VIPAS39: variants seen among roughly 807,000 people sequenced by gnomAD.
VIPAS39 encodes the protein VPS33B interacting protein, apical-basolateral polarity regulator, spe-39 homolog, also known as spermatogenesis-defective protein 39 homolog.
VIPAS39 carries 63 observed loss-of-function variants against 84.7 expected under a neutral mutation model. That is an observed-to-expected ratio of 0.74 (90% CI 0.61 to 0.92). The LOEUF is 0.92. VIPAS39 is among the 40% of genes least tolerant of loss of function. The probability of loss-of-function intolerance (pLI) is 0.00; values close to 1 mark genes in which losing one functional copy is unlikely to be tolerated. For missense variants in VIPAS39, 499 were observed against 604.5 expected (o/e 0.83, Z 1.83); for synonymous variants, 192 against 216.5 (o/e 0.89, Z 0.99).
At chr14:77,437,466 G>A (rs900523296) in intron 12 of VIPAS39, among the ~76,000 whole-genome samples, 3 of 151,904 alleles carry the variant, frequency 2.0e-5, no homozygotes, top group Non-Finnish European at 4.4e-5. Context: ...ATTACCTAAG[G>A]TCATAAAAAA....
Position 77,449,353 on chromosome 14 carries a change from C to T in VIPAS39, c.387G>A (p.Leu129=). 1 of 1,614,180 alleles carries T rather than the reference C, an allele frequency of 6.2e-7. No individual in the cohort carries two copies. Among genetic ancestry groups the T allele is most frequent in the Non-Finnish European group, 8.5e-7 (1 of 1,180,038 alleles). The change falls in exon 6 of 20, where the codon CTG becomes CTA. Residue 129 remains leucine, a synonymous_variant. Coordinates refer to ENST00000557658, the MANE Select transcript of VIPAS39 (RefSeq NM_001193315.2). The part of the protein sequence containing the change: ...PGSFQSLSDA[L]SDTPAKSYAP... ...CATAGCTTTTGGCAGGTGTGTCTGACAGAGCTGAAAAAGAATAAGCAGCTG... is the reference window on the plus strand; with the variant it reads ...CATAGCTTTTGGCAGGTGTGTCTGATAGAGCTGAAAAAGAATAAGCAGCTG...
chr14:77,433,683 A>G (rs572724471), intron 16 of VIPAS39, among the ~76,000 whole-genome samples, 159 bp downstream of exon 16: 263 of 152,346 alleles, frequency 1.7e-3, no homozygotes, highest in African/African-American at 6.0e-3. Flanking sequence ...TTTGATTATT[A>G]TATGAACTAT....
In VIPAS39 at chr14:77,451,197, G is replaced by C; in HGVS notation, c.333C>G (p.Ser111Arg). 6.2e-7 allele frequency: 1 copy of C among 1,614,214 alleles called. No individual in the cohort carries two copies. Among genetic ancestry groups the C allele is most frequent in the African/African-American group, 1.3e-5 (1 of 75,060 alleles). ...PKPTSTYSLS[S>R]FFRGRTRPGS... ...AGCATCTCTCTTTACCTCTAAAAAA[G>C]CTGCTCAGGGAGTAGGTAGAAGTAG... Residue 111 changes from serine to arginine, a missense_variant, in exon 4 of 20, where the codon AGC becomes AGG. Transcript: ENST00000557658.
intron 10 of VIPAS39, among the ~76,000 whole-genome samples, chr14:77,441,736 G>A (rs2078706507): frequency 6.6e-6 from 1 of 152,304 alleles, no homozygotes; most frequent in South Asian, 2.1e-4. Flanking sequence ...CCCCACCTCA[G>A]TCTTTTGGGG....
At position 77,429,571 on chromosome 14, in the gene VIPAS39, C is replaced by T. The variant is rs2078487309; in HGVS notation, c.1266+110G>A. On this transcript the variant is annotated intron_variant, in intron 17 of 19. Coordinates refer to ENST00000557658, the MANE Select transcript of VIPAS39 (RefSeq NM_001193315.2). ...GAGGCCTATTGCAGCCATTGTGCTG[C>T]CTTTAAGGGAAAACAAGAGCAGATC... 8.8e-6 allele frequency: 10 copies of T among 1,133,792 alleles called. No individual in the cohort carries two copies. In the South Asian group the frequency reaches 1.2e-4, roughly 14 times the overall value. 70.2% of individuals were successfully genotyped at this position (1,133,792 alleles called of 1,614,324 possible). A position where few individuals can be genotyped will look rare whatever the true frequency, so the allele number is the denominator to read the frequency against.
At chr14:77,454,276 G>A (rs756316088) in intron 1 of VIPAS39, among the ~76,000 whole-genome samples, 174 bp from the exon 2 acceptor site, 2 of 152,176 alleles carry the variant, frequency 1.3e-5, no homozygotes, top group African/African-American at 4.8e-5. Flanking sequence ...GTCTCCAACT[G>A]ATCAAATCAT....
At chr14:77,434,674 C>T (rs959993721) in intron 14 of VIPAS39, among the ~76,000 whole-genome samples, 1 of 151,450 alleles carries the variant, frequency 6.6e-6, no homozygotes, top group African/African-American at 2.4e-5. Context: ...AGGTGGATCA[C>T]GAGGTCAGGA....
At chr14:77,444,632 G>C (rs1459377959) in intron 7 of VIPAS39, among the ~76,000 whole-genome samples, 1 of 152,116 alleles carries the variant, frequency 6.6e-6, no homozygotes, top group Non-Finnish European at 1.5e-5. Context: ...GAGTGCAGTG[G>C]CTCAATCTCG....
chr14:77,441,383 T>C (rs1014571090), intron 10 of VIPAS39, among the ~76,000 whole-genome samples: 5 of 149,158 alleles, frequency 3.4e-5, no homozygotes, highest in Non-Finnish European at 6.0e-5. Context: ...TTTTTTTTTT[T>C]CCTAAGATTA....
intron 3 of VIPAS39, among the ~76,000 whole-genome samples, chr14:77,451,736 C>T (rs1160207742): frequency 6.6e-6 from 1 of 152,164 alleles, no homozygotes; most frequent in African/African-American, 2.4e-5. Flanking sequence ...CAGAGGCACA[C>T]ACCACCTGCC....
chr14:77,448,448 G>A, intron 7 of VIPAS39, 46 bp downstream of exon 7: 1 of 1,581,796 alleles, frequency 6.3e-7, no homozygotes, highest in Non-Finnish European at 8.7e-7. Flanking sequence ...GTGTGAACAA[G>A]CTGCCCAGCT....
At chr14:77,437,765 G>C (rs749049796) in intron 12 of VIPAS39, 43 bp downstream of exon 12, 1 of 1,586,140 alleles carries the variant, frequency 6.3e-7, no homozygotes, top group Non-Finnish European at 8.7e-7. Flanking sequence ...TTCCTTCTGG[G>C]TAAAGGTATT....
chr14:77,433,390 G>A (rs1027531250), intron 16 of VIPAS39, among the ~76,000 whole-genome samples: 7 of 152,036 alleles, frequency 4.6e-5, no homozygotes, highest in African/African-American at 9.7e-5. Flanking sequence ...CAGTAGAGAC[G>A]GGGTTTCACC....
chr14:77,453,388 T>C lies in VIPAS39; in HGVS notation c.107A>G (p.Lys36Arg), dbSNP rs556937820. 2.5e-6 allele frequency: 4 copies of C among 1,614,078 alleles called. No homozygotes were observed. In the African/African-American group the frequency reaches 4.0e-5, roughly 16 times the overall value. The change falls in exon 3 of 20, where the codon AAG becomes AGG. Residue 36 changes from lysine to arginine, a missense_variant. Lys to Arg is a conservative substitution (Grantham distance 26, BLOSUM62 2). Transcript: ENST00000557658. ...GTCTCGGAGGCTGTTCACCGCCCGC[T>C]TGGACTCCTTTAACTGCAGAGGGAC... ...DDELSQLKES[K>R]RAVNSLRDFV...
At chr14:77,451,642 G>A (rs2078883485) in intron 3 of VIPAS39, among the ~76,000 whole-genome samples, 1 of 151,832 alleles carries the variant, frequency 6.6e-6, no homozygotes, top group African/African-American at 2.4e-5. Context: ...CTGGAGTACA[G>A]TGGCTATTCA....
chr14:77,437,808 C>T lies in VIPAS39; in HGVS notation c.836G>A (p.Gly279Asp). 3.7e-6 allele frequency: 6 copies of T among 1,613,888 alleles called. No individual in the cohort carries two copies. Among genetic ancestry groups the T allele is most frequent in the Non-Finnish European group, 5.1e-6 (6 of 1,179,828 alleles). The change falls in exon 12 of 20, where the codon GGT becomes GAT. Residue 279 changes from glycine to aspartate, a missense_variant and splice_region_variant. Gly to Asp is a moderately conservative substitution (Grantham distance 94). Transcript: ENST00000557658. ...AAAATCATTTTTCCCCCATACTTACCCAACACAGGTTTTAAGAAATTCTTT... is the reference window on the plus strand; with the variant it reads ...AAAATCATTTTTCCCCCATACTTACTCAACACAGGTTTTAAGAAATTCTTT... Reference protein sequence around the residue: ...KRKEFLKTCVGLPFSAEDSAH... With the variant: ...KRKEFLKTCVDLPFSAEDSAH...
chr14:77,435,999 A>G, intron 12 of VIPAS39, 80 bp from the exon 13 acceptor site: 1 of 1,433,852 alleles, frequency 7.0e-7, no homozygotes, highest in Non-Finnish European at 9.8e-7. Context: ...CGCCAGCATA[A>G]GTATAAGAGG....
At chr14:77,429,968 C>G (rs781644842) in intron 16 of VIPAS39, among the ~76,000 whole-genome samples, 1 of 152,176 alleles carries the variant, frequency 6.6e-6, no homozygotes, top group Non-Finnish European at 1.5e-5. Context: ...GAAATAACTT[C>G]TTAGATCTAT....
intron 16 of VIPAS39, among the ~76,000 whole-genome samples, chr14:77,432,362 C>G (rs1566722840): frequency 6.6e-6 from 1 of 151,964 alleles, no homozygotes; most frequent in Admixed American, 6.6e-5. Flanking sequence ...ACAGTATAGG[C>G]GTTCCTCAAA....
Sources: allele counts gnomAD v4.1 joint callset (sites outside exome capture counted in the v4.1 genomes callset), GRCh38; gene constraint gnomAD v4.1.1; transcripts MANE v1.5; gene names NCBI Gene and HGNC (gene_info 2026-07-23, HGNC 2026-07-21).